The following DST variants were observed in gnomAD, a reference collection of about 807,000 sequenced individuals.
DST encodes bullous pemphigoid antigen.
A neutral mutation model predicts 875.2 loss-of-function variants in DST; 253 were observed. That is an observed-to-expected ratio of 0.29 (90% CI 0.26 to 0.32). The LOEUF (loss-of-function observed/expected upper bound fraction) is 0.32. Ranked by LOEUF, DST falls within the 10% of genes least tolerant of loss-of-function variation. The pLI, the probability that DST is intolerant of heterozygous loss-of-function variation, is 1.00. For synonymous variants in DST, 3,124 were observed against 3,197.1 expected, an observed-to-expected ratio of 0.98 and a Z score of 0.77; for missense variants, 8,287 against 9,111.6, an observed-to-expected ratio of 0.91 and a Z score of 3.68.
At chr6:56,887,762 A>G (rs1785297301) in intron 3 of DST, among the ~76,000 whole-genome samples, 1 of 152,100 alleles carries the variant, frequency 6.6e-6, no homozygotes, top group Non-Finnish European at 1.5e-5. Flanking sequence ...TTATGAACAC[A>G]TGCTTATTTT....
chr6:56,813,226 G>T (rs1304566658), intron 4 of DST, among the ~76,000 whole-genome samples: 2 of 116,772 alleles, frequency 1.7e-5, no homozygotes, highest in African/African-American at 3.3e-5. Flanking sequence ...ACACTCTGGG[G>T]ACTGTTGTGG....
intron 71 of DST, among the ~76,000 whole-genome samples, chr6:56,516,388 T>C (rs2096595341): frequency 6.6e-6 from 1 of 152,134 alleles, no homozygotes; most frequent in Non-Finnish European, 1.5e-5. Context: ...CAATCTGTAT[T>C]TTTCACATCA....
intron 73 of DST, among the ~76,000 whole-genome samples, chr6:56,510,854 C>T (rs9464389): frequency 0.79 from 119,863 of 152,108 alleles, 47,742 homozygotes; most frequent in African/African-American, 0.9. Context: ...CTTGAGAGTA[C>T]TTTATTAATA....
At chr6:56,845,536 TAG>T (rs1472757015) in intron 4 of DST, among the ~76,000 whole-genome samples, 2 of 152,264 alleles carry the variant, frequency 1.3e-5, no homozygotes, top group Non-Finnish European at 1.5e-5. Flanking sequence ...TTAAGGTTAC[TAG>T]AGTTTTCTTA....
intron 3 of DST, among the ~76,000 whole-genome samples, chr6:56,883,905 A>G (rs1783381740): frequency 6.6e-6 from 1 of 152,166 alleles, no homozygotes; most frequent in Non-Finnish European, 1.5e-5. Context: ...AAATATTTTT[A>G]TAAGTTTCTT....
chr6:56,592,122 A>T, intron 49 of DST, 60 bp downstream of exon 49: 1 of 1,473,404 alleles, frequency 6.8e-7, no homozygotes, highest in Non-Finnish European at 9.3e-7. Flanking sequence ...CAAAAGTGTG[A>T]GAAATTGGAA....
intron 61 of DST, among the ~76,000 whole-genome samples, chr6:56,546,996 G>C (rs1249767374): frequency 6.6e-6 from 1 of 152,166 alleles, no homozygotes; most frequent in African/African-American, 2.4e-5. Flanking sequence ...GGCTGGAACT[G>C]CCTTCAGAAC....
At chr6:56,914,755 G>A (rs1226071742) in intron 2 of DST, among the ~76,000 whole-genome samples, 1 of 152,118 alleles carries the variant, frequency 6.6e-6, no homozygotes, top group Admixed American at 6.6e-5. Context: ...CAGCAACAAA[G>A]AGCTTCTAGA....
At chr6:56,630,459 T>C in intron 30 of DST, 76 bp from the exon 31 acceptor site, 1 of 1,248,432 alleles carries the variant, frequency 8.0e-7, no homozygotes, top group East Asian at 2.4e-5. Context: ...GAAGCACCAT[T>C]ATGACACATG....
Position 56,608,203 on chromosome 6 carries a change from G to C in DST, c.6425C>G (p.Thr2142Arg), listed in dbSNP as rs2152713698. The change falls in exon 40 of 104, where the codon ACA (threonine) becomes AGA (arginine). Residue 2142 changes from threonine (T) to arginine (R), a missense_variant. Physicochemically the swap from Thr to Arg is moderately conservative, Grantham distance 71 (BLOSUM62 -1). This residue lies in a region of DST where 3,138 missense variants were observed against 3,116.6 expected (regional missense o/e 1.01). Coordinates refer to ENST00000680361, the MANE Select transcript of DST (RefSeq NM_001374736.1). Reference protein sequence around the residue: ...NNTASILKNITLPDKMPDLGD... With the variant: ...NNTASILKNIRLPDKMPDLGD... Reference sequence around the variant, plus strand: ...TAAATCTGGCATTTTATCAGGCAGTGTTATATTTTTTAAAATTGATGCTGT... The same window carrying C: ...TAAATCTGGCATTTTATCAGGCAGTCTTATATTTTTTAAAATTGATGCTGT... The C allele has an allele frequency of 6.2e-7, 1 of 1,613,568 alleles. No homozygotes were observed. The highest frequency in any genetic ancestry group is 1.3e-5 in the African/African-American group (1 of 74,992).
intron 4 of DST, among the ~76,000 whole-genome samples, chr6:56,758,291 C>T (rs2099609056): frequency 6.6e-6 from 1 of 152,142 alleles, no homozygotes; most frequent in African/African-American, 2.4e-5. Flanking sequence ...GAGGAGGGCC[C>T]TTGAAGGGGA....
chr6:56,493,225 T>C (rs2095807408), intron 83 of DST, 136 bp from the exon 84 acceptor site: 6 of 670,100 alleles, frequency 9.0e-6, no homozygotes, highest in Non-Finnish European at 1.1e-5. Flanking sequence ...ATTAACTAAA[T>C]ATCTTATAAA....
At chr6:56,581,318 G>A (rs1055993492) in intron 49 of DST, among the ~76,000 whole-genome samples, 2 of 151,976 alleles carry the variant, frequency 1.3e-5, no homozygotes, top group African/African-American at 4.8e-5. Flanking sequence ...ATATATAAGT[G>A]ATGGGGAGAG....
chr6:56,479,714 A>G (rs2095337014), intron 90 of DST, among the ~76,000 whole-genome samples: 1 of 152,202 alleles, frequency 6.6e-6, no homozygotes. Flanking sequence ...TATAAATGGG[A>G]GCCAAACAAT....
intron 2 of DST, among the ~76,000 whole-genome samples, chr6:56,947,842 C>G (rs937226172): frequency 2.0e-5 from 3 of 151,490 alleles, no homozygotes; most frequent in African/African-American, 7.3e-5. Flanking sequence ...TGAATCTACT[C>G]AGGTACAGTG....
In DST at chr6:56,471,145, T is replaced by C. The variant is rs2094872492; in HGVS notation, c.22282A>G (p.Ile7428Val). The change falls in exon 95 of 104, where the codon ATA becomes GTA. Residue 7428 changes from isoleucine (I) to valine (V), a missense_variant. Transcript: ENST00000680361. ...RRIDKDQDGKITRQEFIDGIL... is the reference protein window; with the variant it reads ...RRIDKDQDGKVTRQEFIDGIL... ...CCATCAATAAATTCCTGCCGCGTTA[T>C]TTTCCCATCCTGGTCTTTATCAATT... 6.2e-7 allele frequency: 1 copy of C among 1,611,316 alleles called. No homozygotes were observed. Among genetic ancestry groups the C allele is most frequent in the Non-Finnish European group, 8.5e-7 (1 of 1,178,758 alleles).
chr6:56,573,863 T>G lies in DST; in HGVS notation c.13052A>C (p.Asp4351Ala). 1.2e-6 allele frequency: 2 copies of G among 1,612,934 alleles called. No individual in the cohort carries two copies. The highest frequency in any genetic ancestry group is 4.5e-5 in the East Asian group (2 of 44,830). ...TCGTTCATTAACAGACTTGGACAGA[T>G]CCTCATATCTCCCAACAATGTCATC... is the stretch of plus-strand genomic sequence containing the variant. ...TLDDIVGRYEDLSKSVNERNE... is the reference protein window; with the variant it reads ...TLDDIVGRYEALSKSVNERNE... Residue 4351 changes from aspartate to alanine, a missense_variant, in exon 51 of 104, where the codon GAT (aspartate) becomes GCT (alanine). Asp to Ala is a moderately radical substitution (Grantham distance 126). This residue lies in a region of DST where 1,513 missense variants were observed against 1,677.8 expected (regional missense o/e 0.90). Transcript: ENST00000680361.
chr6:56,727,313 C>G (rs562370113), intron 5 of DST, among the ~76,000 whole-genome samples: 1 of 152,194 alleles, frequency 6.6e-6, no homozygotes. Context: ...TAAAACCTAG[C>G]TGTGCCCGGA....
Position 56,482,196 on chromosome 6 carries a change from C to A in DST, c.21403-18G>T. 6.2e-7 allele frequency: 1 copy of A among 1,602,950 alleles called. No individual in the cohort carries two copies. Among genetic ancestry groups the A allele is most frequent in the South Asian group, 1.1e-5 (1 of 89,966 alleles). On this transcript the variant is annotated intron_variant, in intron 89 of 103. Transcript: ENST00000680361. Reference sequence around the variant, plus strand: ...TCCTCTGCCTAAGAGTTCACACACACACACACCCCAAACAAAATTCCCAAA... The same window carrying A: ...TCCTCTGCCTAAGAGTTCACACACAAACACACCCCAAACAAAATTCCCAAA...
Sources: gnomAD v4.1 joint callset for allele counts (sites outside exome capture counted in the v4.1 genomes callset) on GRCh38, gnomAD v4.1.1 for gene constraint, gnomAD v4.1.1 regional missense constraint, MANE v1.5 for transcripts, NCBI Gene and HGNC (gene_info 2026-07-23, HGNC 2026-07-21) for gene names.